The following RBFOX1 variants were observed in gnomAD, a reference collection of about 807,000 sequenced individuals.
The protein encoded by RBFOX1 is RNA binding protein fox-1 homolog 1.
A neutral mutation model predicts 57.7 loss-of-function variants in RBFOX1; 8 were observed. The observed-to-expected ratio is 0.14, with a 90% confidence interval of 0.08 to 0.25. The LOEUF is 0.25. RBFOX1 is among the 10% of genes least tolerant of loss of function. The pLI, the probability that RBFOX1 is intolerant of heterozygous loss-of-function variation, is 1.00. For synonymous variants in RBFOX1, 326 were observed against 222.4 expected (o/e 1.47, Z -4.15); for missense variants, 611 against 548.5 (o/e 1.11, Z -1.14).
At chr16:7,402,718 T>C (rs1001524480) in intron 4 of RBFOX1, among the ~76,000 whole-genome samples, 1 of 152,208 alleles carries the variant, frequency 6.6e-6, no homozygotes, top group Non-Finnish European at 1.5e-5. Context: ...ATGGTAAATA[T>C]TTCATATAAC....
intron 1 of RBFOX1, among the ~76,000 whole-genome samples, chr16:6,021,546 C>G: frequency 6.6e-6 from 1 of 152,224 alleles, no homozygotes; most frequent in Non-Finnish European, 1.5e-5. Context: ...GACTCAAAAC[C>G]TGTGTCCTCT....
intron 1 of RBFOX1, among the ~76,000 whole-genome samples, chr16:5,242,533 C>A (rs967911502): frequency 1.2e-4 from 18 of 152,178 alleles, no homozygotes; most frequent in African/African-American, 4.1e-4. Context: ...CAGTGTCAGG[C>A]TGGTGTGAGA....
In RBFOX1 at chr16:6,380,753, G is replaced by T. The variant is rs2091730597; in HGVS notation, c.-64+63696G>T. Among the ~76,000 whole-genome samples the T allele has an allele frequency of 2.6e-5, 4 of 152,186 alleles. No individual in the cohort carries two copies. The South Asian group carries it at 8.3e-4, about 32-fold the overall frequency. On this transcript the variant is annotated intron_variant, in intron 2 of 15. Coordinates refer to ENST00000550418, the MANE Select transcript of RBFOX1 (RefSeq NM_018723.4). ...GTATAGGAACTCTGGGTCCAAAGGA[G>T]AACACATAATCAATTTGGATAAATA...
chr16:6,447,339 C>G (rs1393167571), intron 2 of RBFOX1, among the ~76,000 whole-genome samples: 2 of 152,138 alleles, frequency 1.3e-5, no homozygotes, highest in African/African-American at 4.8e-5. Context: ...TAATCATGGC[C>G]TAACAGATCC....
intron 4 of RBFOX1, among the ~76,000 whole-genome samples, chr16:5,995,739 G>A (rs1246770109): frequency 6.6e-6 from 1 of 152,166 alleles, no homozygotes; most frequent in Non-Finnish European, 1.5e-5. Context: ...GGGGCTCTTA[G>A]ATCAAACTGA....
chr16:6,820,417 G>T (rs115716716), intron 3 of RBFOX1, among the ~76,000 whole-genome samples: 1,977 of 152,272 alleles, frequency 0.013, 45 homozygotes, highest in African/African-American at 0.045. Context: ...AGCATTTTGG[G>T]AGGCTGGGGA....
At chr16:6,788,760 C>T (rs905701475) in intron 3 of RBFOX1, among the ~76,000 whole-genome samples, 4 of 151,906 alleles carry the variant, frequency 2.6e-5, no homozygotes, top group East Asian at 3.9e-4. Flanking sequence ...CAGGTGTGAG[C>T]GACCGTGCCC....
chr16:5,840,792 A>T (rs538280451), intron 3 of RBFOX1, among the ~76,000 whole-genome samples: 3 of 152,256 alleles, frequency 2.0e-5, no homozygotes, highest in Non-Finnish European at 2.9e-5. Flanking sequence ...GTTCCCTATC[A>T]TGGAAAACAC....
chr16:6,072,676 G>T (rs1319218372), intron 1 of RBFOX1, among the ~76,000 whole-genome samples: 2 of 151,374 alleles, frequency 1.3e-5, no homozygotes, highest in East Asian at 3.9e-4. Flanking sequence ...GTATGGGGTG[G>T]TATTTCATTT....
intron 1 of RBFOX1, among the ~76,000 whole-genome samples, chr16:6,261,462 G>A (rs1323104762): frequency 1.3e-5 from 2 of 152,180 alleles, no homozygotes; most frequent in Non-Finnish European, 2.9e-5. Flanking sequence ...TTGTTTTAGT[G>A]GCTCAGACAT....
At chr16:7,439,347 G>C (rs904325531) in intron 4 of RBFOX1, among the ~76,000 whole-genome samples, 7 of 149,034 alleles carry the variant, frequency 4.7e-5, no homozygotes, top group African/African-American at 7.4e-5. Context: ...TGGCTAAAGA[G>C]TGCTGTGAAA....
intron 3 of RBFOX1, among the ~76,000 whole-genome samples, chr16:6,885,168 C>T (rs1037188151): frequency 5.3e-5 from 8 of 152,140 alleles, no homozygotes; most frequent in Non-Finnish European, 1.2e-4. Context: ...TTCCCTAATT[C>T]CCAGGTAGTA....
chr16:6,364,902 T>G (rs577832579), intron 2 of RBFOX1, among the ~76,000 whole-genome samples: 1 of 151,558 alleles, frequency 6.6e-6, no homozygotes, highest in Non-Finnish European at 1.5e-5. Flanking sequence ...GGGCAGGGGG[T>G]GTGGTCCTTT....
At chr16:7,200,591 C>G (rs1184326098) in intron 4 of RBFOX1, among the ~76,000 whole-genome samples, 2 of 152,188 alleles carry the variant, frequency 1.3e-5, no homozygotes, top group East Asian at 3.9e-4. Context: ...GTGACAGAAA[C>G]TGCCAGCTGT....
At chr16:6,480,184 C>G (rs968212260) in intron 2 of RBFOX1, among the ~76,000 whole-genome samples, 1 of 152,110 alleles carries the variant, frequency 6.6e-6, no homozygotes, top group Admixed American at 6.6e-5. Flanking sequence ...TAAGAGAACA[C>G]TTATGTACTG....
intron 2 of RBFOX1, among the ~76,000 whole-genome samples, chr16:6,366,085 A>ACGTGTGTGTGTG (rs1307236635): frequency 2.1e-5 from 3 of 144,322 alleles, no homozygotes; most frequent in African/African-American, 7.6e-5. Flanking sequence ...TGGCCATTCT[A>ACGTGTGTGTGTG]TGTGTGTGTG....
At chr16:6,538,472 A>G (rs532122272) in intron 2 of RBFOX1, among the ~76,000 whole-genome samples, 128 of 152,350 alleles carry the variant, frequency 8.4e-4, no homozygotes, top group Non-Finnish European at 1.7e-3. Flanking sequence ...AGCCTGGGCA[A>G]CAGAGCAAAT....
intron 3 of RBFOX1, among the ~76,000 whole-genome samples, chr16:5,762,762 T>C (rs1254205756): frequency 6.6e-6 from 1 of 152,228 alleles, no homozygotes. Flanking sequence ...TATGATTTGG[T>C]AAACACGTTT....
At chr16:7,608,385 C>A (rs1462951916) in intron 10 of RBFOX1, among the ~76,000 whole-genome samples, 1 of 152,208 alleles carries the variant, frequency 6.6e-6, no homozygotes. Context: ...TGGAAAGGCT[C>A]AACAGGATAA....
Sources: gnomAD v4.1 joint callset for allele counts (sites outside exome capture counted in the v4.1 genomes callset) on GRCh38, gnomAD v4.1.1 for gene constraint, MANE v1.5 for transcripts, NCBI Gene and HGNC (gene_info 2026-07-23, HGNC 2026-07-21) for gene names.